EPHA6: variants seen among roughly 807,000 people sequenced by gnomAD.
EPHA6 encodes EPH receptor A6, also known as ephrin type-A receptor 6.
Under a neutral mutation model 112.0 loss-of-function variants are expected in EPHA6, and 50 were observed. The observed-to-expected ratio is 0.45, with a 90% confidence interval of 0.36 to 0.56. The LOEUF is 0.56. EPHA6 is among the 20% of genes least tolerant of loss of function. The pLI is 0.00. For synonymous variants in EPHA6, 529 were observed against 490.7 expected (o/e 1.08, Z -1.03); for missense variants, 1,280 against 1,417.4 (o/e 0.90, Z 1.56).
chr3:97,633,381 A>C (rs1228407483), intron 13 of EPHA6, among the ~76,000 whole-genome samples: 1 of 152,076 alleles, frequency 6.6e-6, no homozygotes, highest in Non-Finnish European at 1.5e-5. Flanking sequence ...TTTCATTTGA[A>C]TCTGCCTTCC....
At chr3:97,240,579 C>T (rs1223843132) in intron 4 of EPHA6, among the ~76,000 whole-genome samples, 2 of 151,836 alleles carry the variant, frequency 1.3e-5, no homozygotes, top group South Asian at 2.1e-4. Context: ...TATGAAAAAT[C>T]CCCCTGTTTG....
intron 5 of EPHA6, among the ~76,000 whole-genome samples, chr3:97,362,814 G>T (rs1320656244): frequency 6.6e-6 from 1 of 151,806 alleles, no homozygotes; most frequent in Non-Finnish European, 1.5e-5. Flanking sequence ...GGTCCAATCT[G>T]TGAAAGTGTT....
chr3:97,103,335 G>A (rs772112442), intron 3 of EPHA6, among the ~76,000 whole-genome samples: 2 of 151,820 alleles, frequency 1.3e-5, no homozygotes, highest in African/African-American at 4.8e-5. Flanking sequence ...GTAGGGAGGG[G>A]ATCCAGTTGC....
chr3:97,626,491 T>C (rs1374868580), intron 13 of EPHA6, among the ~76,000 whole-genome samples: 3 of 151,632 alleles, frequency 2.0e-5, no homozygotes, highest in Non-Finnish European at 4.4e-5. Flanking sequence ...AAAAGGGGAC[T>C]GAGGATGGTA....
intron 1 of EPHA6, among the ~76,000 whole-genome samples, chr3:96,858,649 G>A (rs748971679): frequency 6.6e-4 from 100 of 152,214 alleles, no homozygotes; most frequent in Non-Finnish European, 1.2e-3. Context: ...AAGCATATTT[G>A]TATGCTATTT....
At chr3:96,850,085 A>T (rs1054379414) in intron 1 of EPHA6, among the ~76,000 whole-genome samples, 2 of 152,122 alleles carry the variant, frequency 1.3e-5, no homozygotes, top group African/African-American at 2.4e-5. Flanking sequence ...TTAAAAACCT[A>T]TCTTTCCAGC....
At chr3:97,480,005 AT>A (rs1403991476) in intron 9 of EPHA6, among the ~76,000 whole-genome samples, 3 of 152,188 alleles carry the variant, frequency 2.0e-5, no homozygotes, top group Non-Finnish European at 4.4e-5. Flanking sequence ...GAGACACTGA[AT>A]TAACAAGAAA....
At chr3:97,485,105 T>A (rs1047945480) in intron 10 of EPHA6, among the ~76,000 whole-genome samples, 2 of 152,202 alleles carry the variant, frequency 1.3e-5, no homozygotes, top group African/African-American at 4.8e-5. Flanking sequence ...CTCCTCTAGA[T>A]GCTGGAGATT....
chr3:97,606,959 C>T (rs986264394), intron 12 of EPHA6, among the ~76,000 whole-genome samples: 11 of 150,810 alleles, frequency 7.3e-5, no homozygotes, highest in African/African-American at 2.7e-4. Flanking sequence ...ATTTTATTGC[C>T]TGGTAGACAA....
intron 3 of EPHA6, among the ~76,000 whole-genome samples, chr3:97,158,441 G>T (rs2076338279): frequency 6.6e-6 from 1 of 152,092 alleles, no homozygotes; most frequent in Non-Finnish European, 1.5e-5. Context: ...AGTGGTCATG[G>T]TTCTTTACAA....
At chr3:96,980,116 A>C (rs568088645) in intron 2 of EPHA6, among the ~76,000 whole-genome samples, 1 of 152,324 alleles carries the variant, frequency 6.6e-6, no homozygotes, top group Non-Finnish European at 1.5e-5. Flanking sequence ...TTAGACATGA[A>C]GTCCTTGCCC....
At chr3:97,493,365 G>A (rs1363489796) in intron 10 of EPHA6, among the ~76,000 whole-genome samples, 2 of 152,116 alleles carry the variant, frequency 1.3e-5, no homozygotes, top group Non-Finnish European at 1.5e-5. Context: ...GGAGGCTGGA[G>A]TTTTAGATGG....
At chr3:97,255,117 A>G (rs2079265310) in intron 5 of EPHA6, among the ~76,000 whole-genome samples, 1 of 151,262 alleles carries the variant, frequency 6.6e-6, no homozygotes, top group East Asian at 2.0e-4. Context: ...ATATCAGACT[A>G]AGAATTTTTC....
chr3:97,042,909 C>A (rs1444771905), intron 3 of EPHA6, among the ~76,000 whole-genome samples: 3 of 152,140 alleles, frequency 2.0e-5, no homozygotes, highest in Non-Finnish European at 4.4e-5. Context: ...CTTGGCCCAG[C>A]ACTGTAGCTC....
In EPHA6 at chr3:97,751,936, A is replaced by G. The variant is rs2035912191; in HGVS notation, c.*3235A>G. ...TGGTGAACTCATTATCTCATAGTAG[A>G]AGGCATATTTGGAAAAAATGTGAAA... On this transcript the variant is annotated 3_prime_UTR_variant, in exon 18 of 18. Coordinates refer to ENST00000389672, the MANE Select transcript of EPHA6 (RefSeq NM_001080448.3). 6.6e-6 allele frequency among the ~76,000 whole-genome samples: 1 copy of G among 152,182 alleles called. No individual in the cohort carries two copies. Among genetic ancestry groups the G allele is most frequent in the African/African-American group, 2.4e-5 (1 of 41,462 alleles).
chr3:96,919,193 A>T (rs1457214828), intron 2 of EPHA6, among the ~76,000 whole-genome samples: 1 of 151,906 alleles, frequency 6.6e-6, no homozygotes, highest in East Asian at 1.9e-4. Context: ...GTTGAATGAT[A>T]TGTTGTATTT....
intron 3 of EPHA6, among the ~76,000 whole-genome samples, chr3:97,070,851 G>C (rs367980680): frequency 6.6e-6 from 1 of 152,044 alleles, no homozygotes; most frequent in African/African-American, 2.4e-5. Flanking sequence ...CTCATATAGT[G>C]AATCTGATCT....
At chr3:97,484,288 T>G (rs1413539190) in intron 10 of EPHA6, among the ~76,000 whole-genome samples, 1 of 152,220 alleles carries the variant, frequency 6.6e-6, no homozygotes, top group Non-Finnish European at 1.5e-5. Flanking sequence ...ATAGTCTTTT[T>G]TTATAGTAGA....
chr3:97,603,841 T>C (rs1430535678), intron 12 of EPHA6, among the ~76,000 whole-genome samples: 2 of 151,934 alleles, frequency 1.3e-5, no homozygotes, highest in Non-Finnish European at 2.9e-5. Flanking sequence ...TTCAGGCATA[T>C]ATGATTTAAA....
Sources: gnomAD v4.1 joint callset for allele counts (sites outside exome capture counted in the v4.1 genomes callset) on GRCh38, gnomAD v4.1.1 for gene constraint, MANE v1.5 for transcripts, NCBI Gene and HGNC (gene_info 2026-07-23, HGNC 2026-07-21) for gene names.